The following NCOR1 variants were observed in gnomAD, a reference collection of about 807,000 sequenced individuals.
The protein encoded by NCOR1 is protein phosphatase 1, regulatory subunit 109.
Under a neutral mutation model 288.1 loss-of-function variants are expected in NCOR1, and 63 were observed. The observed-to-expected ratio is 0.22, with a 90% confidence interval of 0.18 to 0.27. The LOEUF (loss-of-function observed/expected upper bound fraction) is 0.27. NCOR1 is among the 10% of genes least tolerant of loss of function. The pLI is 1.00. For missense variants in NCOR1, 2,397 were observed against 3,019.2 expected (o/e 0.79, Z 4.83); for synonymous variants, 1,007 against 1,065.9 (o/e 0.94, Z 1.08).
chr17:16,161,106 C>T (rs1411520450), intron 5 of NCOR1, among the ~76,000 whole-genome samples: 1 of 151,886 alleles, frequency 6.6e-6, no homozygotes, highest in Non-Finnish European at 1.5e-5. Context: ...CCTTTCTTTC[C>T]TGCTTAGAGG....
chr17:16,088,312 C>T (rs2064580362), intron 22 of NCOR1, among the ~76,000 whole-genome samples: 1 of 152,086 alleles, frequency 6.6e-6, no homozygotes. Context: ...ATAGTTCCAT[C>T]CCTTGCTTGT....
chr17:16,086,593 T>C (rs766798441), intron 22 of NCOR1, 151 bp from the exon 23 acceptor site: 2 of 751,072 alleles, frequency 2.7e-6, no homozygotes, highest in Non-Finnish European at 4.2e-6. Flanking sequence ...AATTTCTCAT[T>C]CACGTAAGCC....
chr17:16,214,104 T>G (rs147259430), intron 1 of NCOR1, among the ~76,000 whole-genome samples: 2 of 152,330 alleles, frequency 1.3e-5, no homozygotes, highest in East Asian at 3.9e-4. Flanking sequence ...CTCCAGTAAC[T>G]TGCGGTTACT....
rs1568194765 is a variant in NCOR1 at position 16,127,285 on chromosome 17, GTATATATGTATGTATGTATATA to G, written c.1510-1101_1510-1080del. ...TGTATATATGTATGTATATATACGT[GTATATATGTATGTATGTATATA>G]TACATGTATGTATATATGTATGTAT... is the stretch of plus-strand genomic sequence containing the variant. On this transcript the variant is annotated intron_variant, in intron 14 of 45. Coordinates refer to ENST00000268712, the MANE Select transcript of NCOR1 (RefSeq NM_006311.4). Among the ~76,000 whole-genome samples the G allele has an allele frequency of 2.5e-3, 322 of 129,482 alleles. 97 individuals carry two copies. Among genetic ancestry groups the G allele is most frequent in the African/African-American group, 9.5e-3 (307 of 32,308 alleles). The allele number at this position is 129,482 out of a possible 152,430, so 84.9% of individuals were successfully genotyped here.
At chr17:16,053,713 CAA>C (rs573080120) in intron 40 of NCOR1, among the ~76,000 whole-genome samples, 38 of 151,898 alleles carry the variant, frequency 2.5e-4, no homozygotes, top group African/African-American at 8.5e-4. Context: ...AATATAGATC[CAA>C]AAAAGAGCCT....
chr17:16,205,494 G>A (rs761377687), intron 1 of NCOR1, among the ~76,000 whole-genome samples: 86 of 151,978 alleles, frequency 5.7e-4, no homozygotes, highest in Non-Finnish European at 6.6e-4. Flanking sequence ...GGTGGCAGAC[G>A]CCTGTAATCC....
chr17:16,197,405 T>C (rs1456999226), intron 1 of NCOR1, among the ~76,000 whole-genome samples: 1 of 152,100 alleles, frequency 6.6e-6, no homozygotes, highest in Non-Finnish European at 1.5e-5. Flanking sequence ...CTCCTCCTGA[T>C]GTCATGTTTC....
chr17:16,184,175 T>C (rs530614559), intron 3 of NCOR1, among the ~76,000 whole-genome samples: 1 of 152,314 alleles, frequency 6.6e-6, no homozygotes, highest in Non-Finnish European at 1.5e-5. Context: ...ACCTTGGCAA[T>C]GATTTTTTGC....
intron 28 of NCOR1, among the ~76,000 whole-genome samples, chr17:16,072,545 T>C (rs984702961): frequency 6.6e-6 from 1 of 152,194 alleles, no homozygotes; most frequent in African/African-American, 2.4e-5. Context: ...AACCATTGCT[T>C]AGCTTTGAAA....
rs1477110164 is a variant in NCOR1 at position 16,092,788 on chromosome 17, T to A, written c.2821-730A>T. Among the ~76,000 whole-genome samples the A allele has an allele frequency of 4.9e-5, 7 of 141,844 alleles. No individual in the cohort carries two copies. The South Asian group carries it at 1.7e-3, about 34-fold the overall frequency. The allele number at this position is 141,844 out of a possible 152,430, so 93.1% of individuals were successfully genotyped here. A position where few individuals can be genotyped will look rare whatever the true frequency, so the allele number is the denominator to read the frequency against. On this transcript the variant is annotated intron_variant, in intron 21 of 45. Coordinates refer to ENST00000268712, the MANE Select transcript of NCOR1 (RefSeq NM_006311.4). ...ATCTTGGCTCGCTGCAACGTCCACCTCCCGGGTTCAAGCAATTATCCTGCC... is the reference window on the plus strand; with the variant it reads ...ATCTTGGCTCGCTGCAACGTCCACCACCCGGGTTCAAGCAATTATCCTGCC...
At position 16,133,377 on chromosome 17, in the gene NCOR1, A is replaced by C. The variant is rs746747382; in HGVS notation, c.1509+3934T>G. ...CTCATATTGACAGGATCAAGCATAA[A>C]CTTCAGCAGAACTTTAAAGAATCTT... On this transcript the variant is annotated intron_variant, in intron 14 of 45. Coordinates refer to ENST00000268712, the MANE Select transcript of NCOR1 (RefSeq NM_006311.4). Among the ~76,000 whole-genome samples, 56 of 152,172 alleles carry C rather than the reference A, an allele frequency of 3.7e-4. 2 individuals carry two copies. Among genetic ancestry groups the C allele is most frequent in the Non-Finnish European group, 1.2e-4 (8 of 68,026 alleles).
intron 14 of NCOR1, among the ~76,000 whole-genome samples, chr17:16,130,560 A>G (rs778478368): frequency 3.3e-5 from 5 of 152,272 alleles, no homozygotes; most frequent in African/African-American, 4.8e-5. Context: ...GGGAGTTAAT[A>G]TAACATGAAA....
chr17:16,110,757 GGAT>G (rs1415730584), intron 18 of NCOR1, among the ~76,000 whole-genome samples: 1 of 152,096 alleles, frequency 6.6e-6, no homozygotes, highest in Non-Finnish European at 1.5e-5. Context: ...ATTCTCATGC[GGAT>G]GATATTTAGG....
intron 1 of NCOR1, among the ~76,000 whole-genome samples, chr17:16,197,297 G>T (rs178806): frequency 5.8e-4 from 88 of 151,438 alleles, no homozygotes; most frequent in Non-Finnish European, 1.1e-3. Context: ...CTCCAGCCTG[G>T]GTGAGGGGTC....
At position 16,138,120 on chromosome 17, in the gene NCOR1, C is replaced by T. The variant is rs757419982; in HGVS notation, c.1407+38G>A. On this transcript the variant is annotated intron_variant, in intron 13 of 45. Coordinates refer to ENST00000268712, the MANE Select transcript of NCOR1 (RefSeq NM_006311.4). Reference sequence around the variant, plus strand: ...AAGAATTTCAAAGTAACAACCATCACAAACCTACAAACACTCCCAATGCAA... The same window carrying T: ...AAGAATTTCAAAGTAACAACCATCATAAACCTACAAACACTCCCAATGCAA... 8.4e-6 allele frequency: 13 copies of T among 1,554,072 alleles called. No individual in the cohort carries two copies. In the South Asian group the frequency reaches 1.2e-4, roughly 14 times the overall value.
chr17:16,085,395 A>C (rs958631908), intron 23 of NCOR1, among the ~76,000 whole-genome samples: 1 of 152,238 alleles, frequency 6.6e-6, no homozygotes, highest in African/African-American at 2.4e-5. Context: ...TACAAGAAAA[A>C]TAAAAACATA....
At chr17:16,091,796 A>T in intron 22 of NCOR1, 67 bp downstream of exon 22, 1 of 1,606,934 alleles carries the variant, frequency 6.2e-7, no homozygotes, top group East Asian at 2.2e-5. Flanking sequence ...CACAATGGAC[A>T]CTGCTTTTGG....
intron 5 of NCOR1, among the ~76,000 whole-genome samples, chr17:16,161,749 C>G (rs1478221949): frequency 2.0e-5 from 3 of 152,110 alleles, no homozygotes; most frequent in Non-Finnish European, 4.4e-5. Context: ...TGGCATATTT[C>G]TTTGTTTTCT....
chr17:16,047,149 T>C, intron 41 of NCOR1, 56 bp from the exon 42 acceptor site: 16 of 1,512,082 alleles, frequency 1.1e-5, no homozygotes, highest in Admixed American at 4.2e-5. Flanking sequence ...CCTGGGGACA[T>C]TCCTATCAAT....
Sources: gnomAD v4.1 joint callset for allele counts (sites outside exome capture counted in the v4.1 genomes callset) on GRCh38, gnomAD v4.1.1 for gene constraint, MANE v1.5 for transcripts, NCBI Gene and HGNC (gene_info 2026-07-23, HGNC 2026-07-21) for gene names.